The following KDM4C variants were observed in gnomAD, a reference collection of about 807,000 sequenced individuals.
The protein encoded by KDM4C is lysine demethylase 4C, also known as lysine-specific demethylase 4C.
Under a neutral mutation model 129.3 loss-of-function variants are expected in KDM4C, and 81 were observed. That is an observed-to-expected ratio of 0.63 (90% confidence interval 0.52 to 0.75). The LOEUF (loss-of-function observed/expected upper bound fraction) is 0.75. KDM4C is among the 30% of genes least tolerant of loss of function. The pLI is 0.00. For missense variants in KDM4C, 1,457 were observed against 1,304.0 expected (o/e 1.12, Z -1.81); for synonymous variants, 573 against 456.1 (o/e 1.26, Z -3.26).
intron 15 of KDM4C, among the ~76,000 whole-genome samples, chr9:7,023,041 T>C (rs946605392): frequency 1.3e-5 from 2 of 152,214 alleles, no homozygotes; most frequent in Non-Finnish European, 2.9e-5. Flanking sequence ...TTGTTGAATT[T>C]GGTTTGCTAG....
At chr9:6,736,859 G>A (rs745813843) in intron 1 of KDM4C, among the ~76,000 whole-genome samples, 13 of 151,558 alleles carry the variant, frequency 8.6e-5, no homozygotes, top group East Asian at 1.9e-4. Flanking sequence ...AAGACCCGCC[G>A]GGCCACCATG....
intron 15 of KDM4C, among the ~76,000 whole-genome samples, chr9:7,022,662 G>A (rs1052382075): frequency 1.7e-5 from 2 of 116,528 alleles, no homozygotes; most frequent in Non-Finnish European, 3.5e-5. Flanking sequence ...GTCTGATTAC[G>A]CTGGCTAGGA....
chr9:6,900,270 G>A (rs369744818), intron 8 of KDM4C, among the ~76,000 whole-genome samples: 9 of 152,166 alleles, frequency 5.9e-5, no homozygotes, highest in Admixed American at 4.6e-4. Flanking sequence ...CTTAGATGTA[G>A]GTTTGCCCCC....
intron 8 of KDM4C, among the ~76,000 whole-genome samples, chr9:6,957,184 C>G (rs1361451183): frequency 6.6e-6 from 1 of 152,180 alleles, no homozygotes; most frequent in Non-Finnish European, 1.5e-5. Context: ...CTTGCAAACA[C>G]ATGTGCAAAT....
intron 8 of KDM4C, among the ~76,000 whole-genome samples, chr9:6,959,772 A>G (rs1829714711): frequency 6.6e-6 from 1 of 152,196 alleles, no homozygotes; most frequent in African/African-American, 2.4e-5. Context: ...ACCAAATAAC[A>G]TGACGGATAT....
At chr9:7,110,510 C>T (rs1838200975) in intron 18 of KDM4C, among the ~76,000 whole-genome samples, 1 of 152,088 alleles carries the variant, frequency 6.6e-6, no homozygotes, top group African/African-American at 2.4e-5. Context: ...TTCTAAAATT[C>T]TCTTAACTCT....
At chr9:6,934,477 CA>C (rs79283241) in intron 8 of KDM4C, among the ~76,000 whole-genome samples, 36,229 of 130,262 alleles carry the variant, frequency 0.28, 4,671 homozygotes, top group South Asian at 0.42. Flanking sequence ...AAGACCCCGC[CA>C]AAAAAAAAAA....
At chr9:6,792,941 A>C in intron 1 of KDM4C, 31 bp from the exon 2 acceptor site, 1 of 1,608,588 alleles carries the variant, frequency 6.2e-7, no homozygotes, top group East Asian at 2.2e-5. Flanking sequence ...ATAATAATTC[A>C]GTTCTGTTGA....
chr9:6,832,975 A>T (rs1213549750), intron 4 of KDM4C, among the ~76,000 whole-genome samples: 3 of 150,464 alleles, frequency 2.0e-5, no homozygotes, highest in Admixed American at 6.6e-5. Flanking sequence ...ACCTTAGGTG[A>T]TCTGCTTGCC....
intron 17 of KDM4C, among the ~76,000 whole-genome samples, chr9:7,094,772 C>T (rs144066438): frequency 1.1e-3 from 163 of 152,296 alleles, no homozygotes; most frequent in Admixed American, 3.3e-3. Flanking sequence ...TATTTGGAGA[C>T]ACAGTGTGTG....
rs893496993 is a variant in KDM4C at position 6,990,528 on chromosome 9, A to G, written c.1786+4A>G. 1 of 1,543,466 alleles carries G rather than the reference A, an allele frequency of 6.5e-7. No homozygotes were observed. Among genetic ancestry groups the G allele is most frequent in the Admixed American group, 1.8e-5 (1 of 54,088 alleles). On this transcript the variant is annotated splice_donor_region_variant and intron_variant, in intron 12 of 21. Coordinates refer to ENST00000381309, the MANE Select transcript of KDM4C (RefSeq NM_015061.6). Reference sequence around the variant, plus strand: ...CAGCAGGCGCCAAGTGATGAAGGTGAGATGGTGACCCTTTTTGGGATTTTT... The same window carrying G: ...CAGCAGGCGCCAAGTGATGAAGGTGGGATGGTGACCCTTTTTGGGATTTTT...
intron 5 of KDM4C, among the ~76,000 whole-genome samples, chr9:6,851,563 A>G (rs1389559349): frequency 6.6e-6 from 1 of 152,212 alleles, no homozygotes; most frequent in Non-Finnish European, 1.5e-5. Context: ...GTATGTAGGC[A>G]ACTACATACT....
intron 8 of KDM4C, among the ~76,000 whole-genome samples, chr9:6,960,252 A>G (rs1211017756): frequency 2.0e-5 from 3 of 151,606 alleles, no homozygotes; most frequent in African/African-American, 7.3e-5. Flanking sequence ...TGAAAGAAGG[A>G]TAAATGGAAG....
chr9:6,843,705 A>G (rs931008799), intron 4 of KDM4C, among the ~76,000 whole-genome samples: 2 of 152,216 alleles, frequency 1.3e-5, no homozygotes, highest in Admixed American at 6.5e-5. Flanking sequence ...GCATGGTGCT[A>G]TTCTGATACT....
At chr9:7,155,935 CT>C (rs1186354544) in intron 19 of KDM4C, among the ~76,000 whole-genome samples, 1 of 152,244 alleles carries the variant, frequency 6.6e-6, no homozygotes, top group Non-Finnish European at 1.5e-5. Context: ...AATCGCCATA[CT>C]GTCTTCCACA....
chr9:6,931,315 C>T (rs911824256), intron 8 of KDM4C, among the ~76,000 whole-genome samples: 2 of 151,998 alleles, frequency 1.3e-5, no homozygotes, highest in African/African-American at 4.8e-5. Flanking sequence ...AACAGTGATA[C>T]ACAATAAATA....
At chr9:6,760,346 A>C (rs1378970588) in intron 1 of KDM4C, among the ~76,000 whole-genome samples, 1 of 151,852 alleles carries the variant, frequency 6.6e-6, no homozygotes, top group Non-Finnish European at 1.5e-5. Context: ...TTTATTCATC[A>C]GTTGGTAGAC....
chr9:6,881,778 G>C (rs1844493844), intron 6 of KDM4C, among the ~76,000 whole-genome samples: 1 of 152,186 alleles, frequency 6.6e-6, no homozygotes, highest in African/African-American at 2.4e-5. Context: ...GAGGAATAAA[G>C]CAGGGAAAAG....
At chr9:6,940,271 T>C (rs1373022880) in intron 8 of KDM4C, among the ~76,000 whole-genome samples, 1 of 152,006 alleles carries the variant, frequency 6.6e-6, no homozygotes, top group Non-Finnish European at 1.5e-5. Flanking sequence ...TTGTATTTTT[T>C]GTAGAGAGGG....
Sources: gnomAD v4.1 joint callset for allele counts (sites outside exome capture counted in the v4.1 genomes callset) on GRCh38, gnomAD v4.1.1 for gene constraint, MANE v1.5 for transcripts, NCBI Gene and HGNC (gene_info 2026-07-23, HGNC 2026-07-21) for gene names.